Variants in PDE11A observed in about 807,000 individuals in gnomAD.
PDE11A encodes dual 3',5'-cyclic-AMP and -GMP phosphodiesterase 11A.
Under a neutral mutation model 100.5 loss-of-function variants are expected in PDE11A, and 100 were observed. The observed-to-expected ratio is 1.00, with a 90% CI of 0.85 to 1.18. PDE11A has a LOEUF of 1.18. Among genes scored for constraint, PDE11A ranks in the 50% most tolerant of loss-of-function variants. The pLI, the probability that PDE11A is intolerant of heterozygous loss-of-function variation, is 0.00. For synonymous variants in PDE11A, 381 were observed against 420.8 expected, an observed-to-expected ratio of 0.91 and a Z score of 1.16; for missense variants, 1,141 against 1,152.6, an observed-to-expected ratio of 0.99 and a Z score of 0.15.
At chr2:177,746,621 C>T (rs957992072) in intron 10 of PDE11A, among the ~76,000 whole-genome samples, 6 of 152,170 alleles carry the variant, frequency 3.9e-5, no homozygotes, top group African/African-American at 1.4e-4. Context: ...TCTCTCAAGG[C>T]AAACTTGGAA....
At chr2:177,774,111 T>C (rs2082347946) in intron 9 of PDE11A, among the ~76,000 whole-genome samples, 1 of 152,224 alleles carries the variant, frequency 6.6e-6, no homozygotes, top group African/African-American at 2.4e-5. Context: ...CTCTTTCATG[T>C]ATTGTATCAA....
At chr2:178,028,252 C>T (rs1399796075) in intron 1 of PDE11A, among the ~76,000 whole-genome samples, 5 of 144,504 alleles carry the variant, frequency 3.5e-5, no homozygotes, top group Non-Finnish European at 1.5e-5. Context: ...AGCAAAGTGC[C>T]GAGAGTACCT....
intron 1 of PDE11A, among the ~76,000 whole-genome samples, chr2:178,104,945 T>C (rs1432382705): frequency 6.6e-6 from 1 of 152,214 alleles, no homozygotes; most frequent in East Asian, 1.9e-4. Context: ...TATTTATATG[T>C]CTACAATAAT....
At chr2:177,828,659 T>A (rs1014991474) in intron 6 of PDE11A, among the ~76,000 whole-genome samples, 1 of 152,134 alleles carries the variant, frequency 6.6e-6, no homozygotes, top group Non-Finnish European at 1.5e-5. Flanking sequence ...GTATTTCAGC[T>A]GAGGGAGTAG....
chr2:178,075,208 GA>G (rs753442784), upstream of PDE11A, among the ~76,000 whole-genome samples: 2 of 152,134 alleles, frequency 1.3e-5, no homozygotes, highest in Non-Finnish European at 1.5e-5. Flanking sequence ...TGGAAGGAAA[GA>G]AGATTGGATA....
At chr2:177,928,290 G>T (rs2085158774) in intron 2 of PDE11A, among the ~76,000 whole-genome samples, 1 of 152,090 alleles carries the variant, frequency 6.6e-6, no homozygotes, top group Non-Finnish European at 1.5e-5. Context: ...GAAGCCAGGA[G>T]TTTGAGAACA....
intron 1 of PDE11A, among the ~76,000 whole-genome samples, chr2:178,046,110 T>C (rs751687386): frequency 2.6e-5 from 4 of 152,228 alleles, no homozygotes; most frequent in African/African-American, 4.8e-5. Flanking sequence ...GTCTATCTCA[T>C]AGAACCTTGT....
chr2:177,770,365 G>A (rs1438044), intron 9 of PDE11A, among the ~76,000 whole-genome samples: 148,147 of 152,358 alleles, frequency 0.97, 72,152 homozygotes, highest in East Asian at 1. Flanking sequence ...GCAGCTGATG[G>A]CATGTCATTT....
intron 12 of PDE11A, among the ~76,000 whole-genome samples, chr2:177,718,263 C>T (rs766810835): frequency 3.3e-5 from 5 of 152,180 alleles, no homozygotes; most frequent in Admixed American, 6.5e-5. Context: ...CATTGAGGCA[C>T]CAGGTTACAA....
chr2:177,837,476 CT>C (rs35254631), intron 6 of PDE11A, among the ~76,000 whole-genome samples: 29,934 of 141,516 alleles, frequency 0.21, 3,722 homozygotes, highest in African/African-American at 0.38. Flanking sequence ...TTCTTTCTTT[CT>C]TTTTTTTTTT....
chr2:177,801,359 T>A (rs1463991943), intron 9 of PDE11A, among the ~76,000 whole-genome samples: 1 of 152,196 alleles, frequency 6.6e-6, no homozygotes. Flanking sequence ...TACTGTTTGA[T>A]TTTTAACTGC....
chr2:177,631,291 C>CAGAAAAAAAAAAAAAAA (rs2079914701), intron 19 of PDE11A, among the ~76,000 whole-genome samples: 1 of 11,876 alleles, frequency 8.4e-5, no homozygotes, highest in African/African-American at 2.2e-4. Flanking sequence ...ACTAAAAATG[C>CAGAAAAAAAAAAAAAAA]AAAAAAAAAA....
chr2:178,082,005 G>A (rs1307635073), intron 2 of PDE11A, among the ~76,000 whole-genome samples: 2 of 152,178 alleles, frequency 1.3e-5, no homozygotes, highest in Non-Finnish European at 2.9e-5. Context: ...CAGTCATAGT[G>A]AAGGCCATTG....
intron 9 of PDE11A, among the ~76,000 whole-genome samples, chr2:177,787,968 A>G (rs2082564775): frequency 6.6e-6 from 1 of 152,068 alleles, no homozygotes; most frequent in Admixed American, 6.5e-5. Context: ...TGTCAACATT[A>G]GACAGATCAA....
At chr2:177,656,394 A>G (rs2080384280) in intron 19 of PDE11A, among the ~76,000 whole-genome samples, 1 of 152,208 alleles carries the variant, frequency 6.6e-6, no homozygotes, top group Non-Finnish European at 1.5e-5. Context: ...AGGCTGTACA[A>G]TATAGGTTTG....
intron 1 of PDE11A, among the ~76,000 whole-genome samples, chr2:178,069,314 T>C (rs1339255699): frequency 6.6e-6 from 1 of 152,080 alleles, no homozygotes; most frequent in African/African-American, 2.4e-5. Flanking sequence ...CATTGGTGAC[T>C]GTAGCGTCCC....
intron 2 of PDE11A, among the ~76,000 whole-genome samples, chr2:178,000,003 T>C (rs1285184829): frequency 6.6e-6 from 1 of 152,186 alleles, no homozygotes; most frequent in Non-Finnish European, 1.5e-5. Flanking sequence ...CATGCCTACC[T>C]TTGAGACTTT....
At chr2:177,787,183 G>A (rs369033813) in intron 9 of PDE11A, among the ~76,000 whole-genome samples, 21 of 145,636 alleles carry the variant, frequency 1.4e-4, no homozygotes, top group African/African-American at 3.6e-4. Flanking sequence ...GACTAACAGC[G>A]GATCTCTCGG....
intron 2 of PDE11A, among the ~76,000 whole-genome samples, chr2:177,991,155 T>A (rs13022267): frequency 6.8e-6 from 1 of 146,470 alleles, no homozygotes; most frequent in South Asian, 2.2e-4. Context: ...AAAACCACCA[T>A]CTCTACTAAA....
Sources: gnomAD v4.1 joint callset for allele counts (sites outside exome capture counted in the v4.1 genomes callset) on GRCh38, gnomAD v4.1.1 for gene constraint, MANE v1.5 for transcripts, NCBI Gene and HGNC (gene_info 2026-07-23, HGNC 2026-07-21) for gene names.